Variants in RBM47 observed in about 807,000 individuals in gnomAD.
RBM47 encodes RNA-binding protein 47.
In RBM47, 21 loss-of-function variants were observed where a neutral mutation model predicts 47.1. The ratio of observed to expected loss-of-function variants is 0.45; its 90% CI spans 0.32 to 0.64. RBM47 has a LOEUF of 0.64. Ranked by LOEUF, RBM47 falls within the 30% of genes least tolerant of loss-of-function variation. The pLI is 0.05. For missense variants in RBM47, 708 were observed against 870.9 expected (o/e 0.81, Z 2.35); for synonymous variants, 375 against 361.7 (o/e 1.04, Z -0.42).
chr4:40,614,288 T>A (rs974659772), intron 1 of RBM47, among the ~76,000 whole-genome samples: 1 of 152,096 alleles, frequency 6.6e-6, no homozygotes, highest in Non-Finnish European at 1.5e-5. Context: ...AGCCTTTTAG[T>A]GACTTGAACC....
chr4:40,541,398 C>T (rs1728527374), intron 2 of RBM47, among the ~76,000 whole-genome samples: 1 of 152,142 alleles, frequency 6.6e-6, no homozygotes, highest in South Asian at 2.1e-4. Context: ...TCCGTCAGTT[C>T]AGTAACTGGC....
rs184680708 is a variant in RBM47 at position 40,470,955 on chromosome 4, C to A, written c.-154-4256G>T. Among the ~76,000 whole-genome samples the A allele has an allele frequency of 1.4e-4, 21 of 152,262 alleles. No individual in the cohort carries two copies. The East Asian group carries it at 2.5e-3, about 18-fold the overall frequency. On this transcript the variant is annotated intron_variant, in intron 2 of 6. Transcript: ENST00000295971. ...GCAGGGTTTCAGCATGTTGGCCAGG[C>A]TGGTCCTGAACGCCTGACCTCAAGT...
At position 40,437,851 on chromosome 4, in the gene RBM47, G is replaced by T; in HGVS notation, c.1043C>A (p.Ser348Tyr). 6.2e-7 allele frequency: 1 copy of T among 1,614,122 alleles called. No individual in the cohort carries two copies. Among genetic ancestry groups the T allele is most frequent in the African/African-American group, 1.3e-5 (1 of 75,068 alleles). Reference sequence around the variant, plus strand: ...GTAGGCCAGTGTGTAGGGGTCGCAGGAGTACACGTAGCTGGGCTGCTGCGC... The same window carrying T: ...GTAGGCCAGTGTGTAGGGGTCGCAGTAGTACACGTAGCTGGGCTGCTGCGC... ...EAAQQPSYVY[S>Y]CDPYTLAYYG... The change falls in exon 4 of 7, where the codon TCC (serine) becomes TAC (tyrosine). Residue 348 changes from serine (S) to tyrosine (Y), a missense_variant. Transcript: ENST00000295971.
At chr4:40,596,203 G>T (rs1734739629) in intron 1 of RBM47, among the ~76,000 whole-genome samples, 1 of 152,208 alleles carries the variant, frequency 6.6e-6, no homozygotes, top group African/African-American at 2.4e-5. Flanking sequence ...TCGACATGAG[G>T]TGGGAAAAGG....
chr4:40,543,341 G>C (rs1728723509), intron 2 of RBM47: 1 of 152,150 alleles, frequency 6.6e-6, no homozygotes, highest in African/African-American at 2.4e-5. Flanking sequence ...CCTTGGATAA[G>C]TGTCTGATTC....
intron 1 of RBM47, among the ~76,000 whole-genome samples, chr4:40,556,590 T>C (rs1019910896): frequency 1.3e-5 from 2 of 152,126 alleles, no homozygotes; most frequent in Non-Finnish European, 2.9e-5. Context: ...TACATTCTTT[T>C]TAAGATTATA....
intron 1 of RBM47, among the ~76,000 whole-genome samples, chr4:40,547,399 GATGACTGTGTGAGGGC>G (rs1729136862): frequency 6.6e-6 from 1 of 152,212 alleles, no homozygotes; most frequent in South Asian, 2.1e-4. Flanking sequence ...CAGACCGAGG[GATGACTGTGTGAGGGC>G]ACAGTGAGTG....
At position 40,569,607 on chromosome 4, in the gene RBM47, T is replaced by C. The variant is rs540836961; in HGVS notation, c.-239-25101A>G. Among the ~76,000 whole-genome samples, 669 of 151,650 alleles carry C rather than the reference T, an allele frequency of 4.4e-3. 6 individuals carry two copies. The highest frequency in any genetic ancestry group is 0.014 in the Middle Eastern group (4 of 294). On this transcript the variant is annotated intron_variant, in intron 1 of 6. Transcript: ENST00000295971. ...TGTATTTTTAGTAAAGATGGGGTTT[T>C]ACCGTGTTAGCCAGGACGGTCTCTA...
intron 1 of RBM47, among the ~76,000 whole-genome samples, chr4:40,564,422 A>T (rs1730909598): frequency 6.6e-6 from 1 of 152,244 alleles, no homozygotes; most frequent in African/African-American, 2.4e-5. Context: ...GGAAAGCTGC[A>T]CACCCAGGAA....
chr4:40,607,304 G>A (rs970832159), intron 1 of RBM47, among the ~76,000 whole-genome samples: 1 of 152,192 alleles, frequency 6.6e-6, no homozygotes, highest in Non-Finnish European at 1.5e-5. Context: ...GTCCAGACAG[G>A]CAAATCTATA....
At chr4:40,597,950 T>C (rs1734906084) in intron 1 of RBM47, among the ~76,000 whole-genome samples, 1 of 152,220 alleles carries the variant, frequency 6.6e-6, no homozygotes, top group Non-Finnish European at 1.5e-5. Flanking sequence ...TTCTGTTTTC[T>C]AAAACAAGAT....
At chr4:40,547,027 T>A (rs561300768) in intron 1 of RBM47, among the ~76,000 whole-genome samples, 1 of 152,280 alleles carries the variant, frequency 6.6e-6, no homozygotes, top group East Asian at 1.9e-4. Context: ...AGAGTAGAGA[T>A]CAGGTGTTTG....
At chr4:40,443,407 A>T (rs1399752758) in intron 3 of RBM47, among the ~76,000 whole-genome samples, 1 of 152,168 alleles carries the variant, frequency 6.6e-6, no homozygotes, top group Non-Finnish European at 1.5e-5. Flanking sequence ...CTAGGATTTC[A>T]TTAGAGGCCA....
At chr4:40,472,042 AG>A (rs2154237485) in intron 2 of RBM47, among the ~76,000 whole-genome samples, 1 of 152,344 alleles carries the variant, frequency 6.6e-6, no homozygotes, top group South Asian at 2.1e-4. Context: ...GGACAAAAAC[AG>A]TAGACTGTTG....
chr4:40,449,622 G>A (rs1351827769), intron 3 of RBM47, among the ~76,000 whole-genome samples: 1 of 152,114 alleles, frequency 6.6e-6, no homozygotes, highest in East Asian at 1.9e-4. Flanking sequence ...GGGTGGAGTG[G>A]GGAGATTTTC....
intron 1 of RBM47, among the ~76,000 whole-genome samples, chr4:40,547,810 G>T (rs1339237376): frequency 6.6e-6 from 1 of 152,240 alleles, no homozygotes; most frequent in Non-Finnish European, 1.5e-5. Context: ...CCTTCAGGTT[G>T]CAATTCCTGA....
intron 1 of RBM47, among the ~76,000 whole-genome samples, chr4:40,599,578 G>C (rs1302460010): frequency 6.6e-6 from 1 of 151,880 alleles, no homozygotes; most frequent in Non-Finnish European, 1.5e-5. Flanking sequence ...CTATCTCTTG[G>C]GACACTCACG....
At chr4:40,492,623 C>T (rs1251871842) in intron 2 of RBM47, among the ~76,000 whole-genome samples, 1 of 152,188 alleles carries the variant, frequency 6.6e-6, no homozygotes, top group Non-Finnish European at 1.5e-5. Flanking sequence ...CCTCACCATG[C>T]AGAATTATCT....
chr4:40,575,055 T>C lies in RBM47; in HGVS notation c.-239-30549A>G, dbSNP rs143839081. Among the ~76,000 whole-genome samples the C allele has an allele frequency of 7.2e-5, 11 of 152,242 alleles. No homozygotes were observed. The East Asian group carries it at 2.1e-3, about 29-fold the overall frequency. On this transcript the variant is annotated intron_variant, in intron 1 of 6. Coordinates refer to ENST00000295971, the MANE Select transcript of RBM47 (RefSeq NM_001098634.2). Reference sequence around the variant, plus strand: ...TTATCTGGCAACGCATGAAGACATTTTTGGTGGTGGGTGCTACTGGCTTCT... The same window carrying C: ...TTATCTGGCAACGCATGAAGACATTCTTGGTGGTGGGTGCTACTGGCTTCT...
Sources: allele counts gnomAD v4.1 joint callset (sites outside exome capture counted in the v4.1 genomes callset), GRCh38; gene constraint gnomAD v4.1.1; transcripts MANE v1.5; gene names NCBI Gene and HGNC (gene_info 2026-07-23, HGNC 2026-07-21).